Variants in CLN6 observed in about 807,000 individuals in gnomAD.
The protein encoded by CLN6 is CLN6 transmembrane ER protein, also known as ceroid-lipofuscinosis neuronal protein 6.
Under a neutral mutation model 33.3 loss-of-function variants are expected in CLN6, and 22 were observed. The ratio of observed to expected loss-of-function variants is 0.66; its 90% CI spans 0.47 to 0.94. CLN6 has a LOEUF of 0.94. CLN6 is among the 40% of genes least tolerant of loss of function. The pLI is 0.00. For missense variants in CLN6, 387 were observed against 417.1 expected, an observed-to-expected ratio of 0.93 and a Z score of 0.63; for synonymous variants, 201 against 174.6, an observed-to-expected ratio of 1.15 and a Z score of -1.19.
At chr15:68,214,774 C>T (rs2093216069) in intron 2 of CLN6, 2 of 315,918 alleles carry the variant, frequency 6.3e-6, no homozygotes, top group Non-Finnish European at 1.2e-5. Context: ...TAATACTTCC[C>T]TTCTCTGGGC....
chr15:68,244,464 C>T (rs2141163667), intron 1 of CLN6, among the ~76,000 whole-genome samples: 1 of 152,092 alleles, frequency 6.6e-6, no homozygotes, highest in Non-Finnish European at 1.5e-5. Context: ...TCCAACAAAG[C>T]CATCCTTTAA....
intron 1 of CLN6, among the ~76,000 whole-genome samples, chr15:68,253,117 A>G (rs1387113416): frequency 6.6e-6 from 1 of 152,246 alleles, no homozygotes; most frequent in Non-Finnish European, 1.5e-5. Context: ...ATGGCAGGCT[A>G]GCACCTTAGT....
rs190361931 is a variant in CLN6 at position 68,236,391 on chromosome 15, T to A, written c.180-17741A>T. On this transcript the variant is annotated intron_variant, in intron 1 of 6. Transcript: ENST00000538696. The surrounding 1 kb of genome is among the most constrained non-coding windows in gnomAD (Gnocchi z 4.5). ...CAACTTGTAAATAAATAAATTATGGTATACAAATTCAGTGGACTATTATAC... is the reference window on the plus strand; with the variant it reads ...CAACTTGTAAATAAATAAATTATGGAATACAAATTCAGTGGACTATTATAC... 6.6e-6 allele frequency among the ~76,000 whole-genome samples: 1 copy of A among 152,346 alleles called. No homozygotes were observed. Among genetic ancestry groups the A allele is most frequent in the East Asian group, 1.9e-4 (1 of 5,186 alleles).
chr15:68,218,683 T>G, intron 1 of CLN6, 33 bp from the exon 2 acceptor site: 162 of 1,511,750 alleles, frequency 1.1e-4, no homozygotes, highest in Non-Finnish European at 1.4e-4. Context: ...AAGTCAGCTC[T>G]TCTCTCCTCC....
chr15:68,239,171 G>T (rs1892259677), intron 1 of CLN6, among the ~76,000 whole-genome samples: 1 of 150,736 alleles, frequency 6.6e-6, no homozygotes. Context: ...CAATGCAGAA[G>T]AAAAAGGAAA....
rs1487415320 is a variant in CLN6, at chr15:68,207,767, G to C, written c.*373C>G. 2 of 350,654 alleles carry C rather than the reference G, an allele frequency of 5.7e-6. No homozygotes were observed. Among genetic ancestry groups the C allele is most frequent in the Non-Finnish European group, 1.1e-5 (2 of 182,380 alleles). The allele number at this position is 350,654 out of a possible 1,614,324, so 21.7% of individuals were successfully genotyped here. On this transcript the variant is annotated 3_prime_UTR_variant, in exon 7 of 7. Transcript: ENST00000249806. ...CCCCTCCTGGCCTCTGCCCCACCCA[G>C]CCCTCTCCTGCACGGCTACCAGAAG...
rs867616252 is a variant in CLN6 at position 68,240,693 on chromosome 15, A to G, written c.179+15997T>C. 8.6e-5 allele frequency among the ~76,000 whole-genome samples: 13 copies of G among 151,322 alleles called. No individual in the cohort carries two copies. The South Asian group carries it at 1.3e-3, about 15-fold the overall frequency. On this transcript the variant is annotated intron_variant, in intron 1 of 6. Coordinates refer to the CLN6 transcript ENST00000538696. ...TGGGCAAGATTCCTTTAAAAAAAAA[A>G]GGGGACAGGGCCGGGTGCGGTGGCT... is the stretch of plus-strand genomic sequence containing the variant.
In CLN6 at chr15:68,214,383, T is replaced by A. The variant is rs774960579; in HGVS notation, c.204A>T (p.Val68=). ...LDFGRPIAML[V]FPLEWFPLNK... is the part of the protein sequence containing the mutation. ...TGAGTGGAAACCACTCGAGAGGGAATACCAGCTGCGGAGCAAATGGAAGAA... is the reference window on the plus strand; with the variant it reads ...TGAGTGGAAACCACTCGAGAGGGAAAACCAGCTGCGGAGCAAATGGAAGAA... Residue 68 remains valine, a synonymous_variant, in exon 3 of 7, where the codon GTA becomes GTT. Transcript: ENST00000249806. 1.9e-6 allele frequency: 3 copies of A among 1,612,972 alleles called. No individual in the cohort carries two copies. The highest frequency in any genetic ancestry group is 2.5e-6 in the Non-Finnish European group (3 of 1,179,116).
chr15:68,240,643 A>G (rs954795606), intron 1 of CLN6, among the ~76,000 whole-genome samples: 3 of 151,686 alleles, frequency 2.0e-5, no homozygotes, highest in South Asian at 2.1e-4. Flanking sequence ...AAGCCAGGGG[A>G]GGGCCAGATA....
chr15:68,218,484 CA>C, intron 2 of CLN6, 51 bp downstream of exon 2: 1 of 1,333,518 alleles, frequency 7.5e-7, no homozygotes, highest in Non-Finnish European at 1.1e-6. Context: ...ATTCAAGCCA[CA>C]CTAAGTGTCC....
At chr15:68,248,141 A>G (rs1278426414) in intron 1 of CLN6, among the ~76,000 whole-genome samples, 2 of 152,236 alleles carry the variant, frequency 1.3e-5, no homozygotes, top group African/African-American at 4.8e-5. Context: ...ACAGACACAT[A>G]GACTAATGGA....
At chr15:68,213,188 C>G (rs2093210960) in intron 3 of CLN6, 1 of 151,728 alleles carries the variant, frequency 6.6e-6, no homozygotes, top group Admixed American at 6.6e-5. Flanking sequence ...TCCCAGAGTG[C>G]TGGGCTTACA....
intron 1 of CLN6, among the ~76,000 whole-genome samples, chr15:68,221,511 C>T (rs1267809046): frequency 2.0e-5 from 3 of 151,924 alleles, no homozygotes; most frequent in East Asian, 2.0e-4. Flanking sequence ...GGATTGCAGA[C>T]GGAGTCTCGC....
At chr15:68,238,889 G>T (rs8040725) in intron 1 of CLN6, among the ~76,000 whole-genome samples, 11,125 of 152,198 alleles carry the variant, frequency 0.073, 1,127 homozygotes, top group African/African-American at 0.23. Flanking sequence ...TATAATGAAA[G>T]GTGATGATGG....
chr15:68,239,519 G>A (rs1595829733), intron 1 of CLN6, among the ~76,000 whole-genome samples: 1 of 151,914 alleles, frequency 6.6e-6, no homozygotes, highest in African/African-American at 2.4e-5. Context: ...AGATAAATAA[G>A]GACTTTATAC....
chr15:68,237,866 T>C (rs992014373), intron 1 of CLN6, among the ~76,000 whole-genome samples: 2 of 152,240 alleles, frequency 1.3e-5, no homozygotes, highest in African/African-American at 4.8e-5. Flanking sequence ...GGCGCACGCC[T>C]GTAATCCCAG....
At chr15:68,248,284 C>T (rs1892345782) in intron 1 of CLN6, 1 of 152,110 alleles carries the variant, frequency 6.6e-6, no homozygotes, top group Non-Finnish European at 1.5e-5. Context: ...TAACCATATG[C>T]AGAAGAATGA....
rs1403469423 is a variant in CLN6, at chr15:68,256,647, C to T, written c.179+43G>A. On this transcript the variant is annotated intron_variant, in intron 1 of 6. Transcript: ENST00000538696. This position sits in a 1 kb window ranked among gnomAD's most constrained non-coding sequence, Gnocchi z 4.1. ...CAGGGCCCCACGTTCAGAAGGGCTT[C>T]GCCCTTGGTTTAATGCGCTGCTCTC... is the stretch of plus-strand genomic sequence containing the variant. 1.7e-6 allele frequency: 1 copy of T among 600,712 alleles called. No individual in the cohort carries two copies. The highest frequency in any genetic ancestry group is 2.8e-5 in the East Asian group (1 of 36,022). 37.2% of individuals were successfully genotyped at this position (600,712 alleles called of 1,614,324 possible). A position where few individuals can be genotyped will look rare whatever the true frequency, so the allele number is the denominator to read the frequency against.
At chr15:68,216,180 T>A (rs1453628939) in intron 2 of CLN6, among the ~76,000 whole-genome samples, 2 of 152,122 alleles carry the variant, frequency 1.3e-5, no homozygotes, top group Non-Finnish European at 2.9e-5. Flanking sequence ...TGGGTCCTAG[T>A]GAGTGAAGGG....
Sources: allele counts gnomAD v4.1 joint callset (sites outside exome capture counted in the v4.1 genomes callset), GRCh38; gene constraint gnomAD v4.1.1; non-coding constraint Gnocchi (gnomAD v3.1); transcripts MANE v1.5; gene names NCBI Gene and HGNC (gene_info 2026-07-23, HGNC 2026-07-21).